Variants in PCNX2 observed in about 807,000 individuals in gnomAD.
The protein encoded by PCNX2 is pecanex 2, also known as pecanex-like protein 2.
In PCNX2, 168 loss-of-function variants were observed where a neutral mutation model predicts 223.8. That is an observed-to-expected ratio of 0.75 (90% CI 0.66 to 0.85). The LOEUF is 0.85. Among genes scored for constraint, PCNX2 ranks in the 40% least tolerant of loss-of-function variants. The pLI is 0.00. For missense variants in PCNX2, 2,507 were observed against 2,675.5 expected, an observed-to-expected ratio of 0.94 and a Z score of 1.39; for synonymous variants, 1,006 against 1,052.6, an observed-to-expected ratio of 0.96 and a Z score of 0.86.
chr1:233,151,089 C>T (rs983624195), intron 19 of PCNX2, among the ~76,000 whole-genome samples: 5 of 152,166 alleles, frequency 3.3e-5, no homozygotes, highest in Non-Finnish European at 5.9e-5. Flanking sequence ...GCATCCTCAA[C>T]GCCCAGAACA....
the PCNX2 span, among the ~76,000 whole-genome samples, chr1:233,322,761 C>T: frequency 6.6e-6 from 1 of 152,092 alleles, no homozygotes; most frequent in Admixed American, 6.6e-5. Flanking sequence ...AAAGGCACCC[C>T]CACCCTGCCC....
intron 22 of PCNX2, among the ~76,000 whole-genome samples, chr1:233,091,732 C>A (rs78560721): frequency 3.1e-3 from 341 of 108,906 alleles, no homozygotes; most frequent in Non-Finnish European, 3.2e-3. Context: ...GACCCTCCCT[C>A]AAAAAAAAAA....
intron 15 of PCNX2, among the ~76,000 whole-genome samples, chr1:233,189,637 G>A (rs1471358530): frequency 6.6e-6 from 1 of 152,130 alleles, no homozygotes; most frequent in Non-Finnish European, 1.5e-5. Context: ...CTGTAAAGTA[G>A]CATGATGTTA....
chr1:233,095,876 GAA>G lies in PCNX2; in HGVS notation c.3838-15_3838-14del. ...GCAGGTCCCCGAGCTGAAAGTAAAAGAAAAAAAATTCATCAGAGAGGACAATG... is the reference window on the plus strand; with the variant it reads ...GCAGGTCCCCGAGCTGAAAGTAAAAGAAAAAATTCATCAGAGAGGACAATG... On this transcript the variant is annotated splice_polypyrimidine_tract_variant and intron_variant, in intron 21 of 33. Coordinates refer to ENST00000258229, the MANE Select transcript of PCNX2 (RefSeq NM_014801.4). 6.4e-7 allele frequency: 1 copy of G among 1,562,316 alleles called. No individual in the cohort carries two copies. The highest frequency in any genetic ancestry group is 1.4e-5 in the African/African-American group (1 of 73,012).
chr1:233,133,948 G>C (rs1446719822), intron 21 of PCNX2, among the ~76,000 whole-genome samples: 2 of 152,074 alleles, frequency 1.3e-5, no homozygotes, highest in Non-Finnish European at 2.9e-5. Flanking sequence ...TCTTTAGTAC[G>C]ATACAAGAGT....
intron 19 of PCNX2, among the ~76,000 whole-genome samples, chr1:233,152,924 A>G (rs1478303203): frequency 1.3e-5 from 2 of 149,066 alleles, no homozygotes; most frequent in Non-Finnish European, 3.0e-5. Flanking sequence ...TATAGAAGAC[A>G]AAACTGAATC....
intron 8 of PCNX2, among the ~76,000 whole-genome samples, chr1:233,250,014 C>A (rs1659358513): frequency 6.6e-6 from 1 of 152,184 alleles, no homozygotes; most frequent in Non-Finnish European, 1.5e-5. Flanking sequence ...ACAAGACATT[C>A]CAGTTACACC....
the PCNX2 span, among the ~76,000 whole-genome samples, chr1:233,311,405 C>T: frequency 1.3e-5 from 2 of 152,244 alleles, no homozygotes; most frequent in Non-Finnish European, 2.9e-5. Flanking sequence ...CTACCAACAA[C>T]TACCAAGCCC....
intron 21 of PCNX2, among the ~76,000 whole-genome samples, chr1:233,121,228 C>G (rs752065673): frequency 1.3e-5 from 2 of 152,004 alleles, no homozygotes; most frequent in Admixed American, 1.3e-4. Flanking sequence ...ACCGGAAGAT[C>G]GAATATTGTT....
intron 21 of PCNX2, among the ~76,000 whole-genome samples, chr1:233,124,692 T>C (rs140700295): frequency 5.6e-4 from 85 of 152,354 alleles, no homozygotes; most frequent in African/African-American, 1.9e-3. Context: ...GTACTAAAAG[T>C]GTCAACGCTT....
chr1:233,044,941 T>C (rs1202684310), intron 25 of PCNX2, among the ~76,000 whole-genome samples: 1 of 152,216 alleles, frequency 6.6e-6, no homozygotes, highest in Non-Finnish European at 1.5e-5. Flanking sequence ...AGTGCTAGGA[T>C]TACAGGCATG....
At chr1:233,183,196 C>T (rs947068511) in intron 15 of PCNX2, among the ~76,000 whole-genome samples, 8 of 152,134 alleles carry the variant, frequency 5.3e-5, no homozygotes, top group Non-Finnish European at 8.8e-5. Context: ...AAGATGCTAC[C>T]GGCATCACCA....
At chr1:233,091,321 CA>C (rs926134371) in intron 22 of PCNX2, among the ~76,000 whole-genome samples, 1 of 151,968 alleles carries the variant, frequency 6.6e-6, no homozygotes, top group Admixed American at 6.6e-5. Context: ...ACCCATGTTG[CA>C]AAAGTTCTGT....
intron 21 of PCNX2, among the ~76,000 whole-genome samples, chr1:233,097,213 C>A (rs1360178110): frequency 6.6e-6 from 1 of 151,886 alleles, no homozygotes; most frequent in Admixed American, 6.6e-5. Flanking sequence ...AGTTACAAAC[C>A]TAGCACTGAG....
intron 1 of PCNX2, among the ~76,000 whole-genome samples, chr1:233,268,101 T>G (rs11581864): frequency 0.099 from 15,070 of 152,134 alleles, 907 homozygotes; most frequent in South Asian, 0.19. Flanking sequence ...TAGTAGAGAC[T>G]AGGTTTCACC....
chr1:233,142,201 A>G (rs984205094), intron 19 of PCNX2, among the ~76,000 whole-genome samples: 1 of 152,212 alleles, frequency 6.6e-6, no homozygotes, highest in African/African-American at 2.4e-5. Context: ...CATATAGATT[A>G]AAGGATTTTA....
At chr1:233,167,596 C>T (rs1467266668) in intron 17 of PCNX2, 6 of 432,506 alleles carry the variant, frequency 1.4e-5, no homozygotes, top group Non-Finnish European at 1.8e-5. Context: ...GGTAACTATG[C>T]GAGATGATGG....
chr1:232,984,610 G>T, intron 33 of PCNX2, 133 bp from the exon 34 acceptor site: 1 of 1,028,530 alleles, frequency 9.7e-7, no homozygotes, highest in Non-Finnish European at 1.4e-6. Context: ...AGGTTCTAAA[G>T]TCAGGTCAAA....
chr1:233,189,059 A>G lies in PCNX2; in HGVS notation c.3066+9880T>C, dbSNP rs549122329. ...TCAGCCTCCCACACCACTTAACAGG[A>G]ACTTTTAGCCAGGCACTTTATAGAC... is the stretch of plus-strand genomic sequence containing the variant. On this transcript the variant is annotated intron_variant, in intron 15 of 33. Coordinates refer to ENST00000258229, the MANE Select transcript of PCNX2 (RefSeq NM_014801.4). Among the ~76,000 whole-genome samples, 5 of 152,280 alleles carry G rather than the reference A, an allele frequency of 3.3e-5. No homozygotes were observed. The South Asian group carries it at 6.2e-4, about 19-fold the overall frequency.
Sources: allele counts gnomAD v4.1 joint callset (sites outside exome capture counted in the v4.1 genomes callset), GRCh38; gene constraint gnomAD v4.1.1; transcripts MANE v1.5; gene names NCBI Gene and HGNC (gene_info 2026-07-23, HGNC 2026-07-21).